The following CELF2 variants were observed in gnomAD, a reference collection of about 807,000 sequenced individuals.
CELF2 encodes CUG triplet repeat RNA-binding protein 2.
A neutral mutation model predicts 62.6 loss-of-function variants in CELF2; 8 were observed. That is an observed-to-expected ratio of 0.13 (90% CI 0.07 to 0.23). The LOEUF (loss-of-function observed/expected upper bound fraction) is 0.23. Among genes scored for constraint, CELF2 ranks in the 10% least tolerant of loss-of-function variants. The pLI is 1.00. For missense variants in CELF2, 333 were observed against 671.0 expected, an observed-to-expected ratio of 0.50 and a Z score of 5.56; for synonymous variants, 258 against 250.0, an observed-to-expected ratio of 1.03 and a Z score of -0.30.
chr10:11,098,826 G>T lies in CELF2; in HGVS notation c.75-66660G>T, dbSNP rs1449804361. Reference sequence around the variant, plus strand: ...GACCGAGGCTTCTTGGCTCTGCACCGGGTGATAATTCTACCTGGGCAGCAG... The same window carrying T: ...GACCGAGGCTTCTTGGCTCTGCACCTGGTGATAATTCTACCTGGGCAGCAG... On this transcript the variant is annotated intron_variant, in intron 1 of 12. Transcript: ENST00000633077. This position sits in a 1 kb window ranked among gnomAD's most constrained non-coding sequence, Gnocchi z 4.0. Among the ~76,000 whole-genome samples the T allele has an allele frequency of 6.6e-6, 1 of 152,134 alleles. No individual in the cohort carries two copies. Among genetic ancestry groups the T allele is most frequent in the African/African-American group, 2.4e-5 (1 of 41,424 alleles).
chr10:11,238,637 T>C (rs771043842), intron 3 of CELF2, among the ~76,000 whole-genome samples: 8 of 152,346 alleles, frequency 5.3e-5, no homozygotes, highest in Non-Finnish European at 7.3e-5. Flanking sequence ...TACCTTCTAC[T>C]GAGATGATAG....
chr10:11,296,234 G>A lies in CELF2; in HGVS notation c.976+7682G>A, dbSNP rs771615105. On this transcript the variant is annotated intron_variant, in intron 9 of 12. Transcript: ENST00000633077. The surrounding 1 kb of genome is among the most constrained non-coding windows in gnomAD (Gnocchi z 5.0). ...GCAGACATTGACTCTAATTCTTCAC[G>A]TATTTGCTTTTTGCTGTTGGTGGCG... Among the ~76,000 whole-genome samples the A allele has an allele frequency of 2.0e-5, 3 of 152,114 alleles. No homozygotes were observed. Among genetic ancestry groups the A allele is most frequent in the Non-Finnish European group, 4.4e-5 (3 of 68,012 alleles).
chr10:10,989,030 C>T lies in CELF2; in HGVS notation c.89+69031C>T, dbSNP rs535425379. ...GTGTACTGAAAAAAATTTTAAGCAA[C>T]AACTTTACCTTAAATCAGTAGTTAA... is the stretch of plus-strand genomic sequence containing the variant. On this transcript the variant is annotated intron_variant, in intron 2 of 13. Transcript: ENST00000636488. Among the ~76,000 whole-genome samples, 103 of 152,230 alleles carry T rather than the reference C, an allele frequency of 6.8e-4. 1 individual carries two copies. Among genetic ancestry groups the T allele is most frequent in the South Asian group, 3.9e-3 (19 of 4,818 alleles).
chr10:10,785,943 T>C, the CELF2 span, among the ~76,000 whole-genome samples: 1 of 152,220 alleles, frequency 6.6e-6, no homozygotes, highest in African/African-American at 2.4e-5. Context: ...TGGGCTTGAT[T>C]TAGCCATTCC....
Position 11,297,814 on chromosome 10 carries a change from A to G in CELF2, c.976+9262A>G, listed in dbSNP as rs1472814441. Among the ~76,000 whole-genome samples the G allele has an allele frequency of 1.3e-5, 2 of 151,964 alleles. No homozygotes were observed. Among genetic ancestry groups the G allele is most frequent in the Non-Finnish European group, 2.9e-5 (2 of 67,954 alleles). On this transcript the variant is annotated intron_variant, in intron 9 of 12. Coordinates refer to ENST00000633077, the MANE Select transcript of CELF2 (RefSeq NM_001326342.2). The surrounding 1 kb of genome is among the most constrained non-coding windows in gnomAD (Gnocchi z 4.4). ...TGGCCAACATGGTGAAACCCTGTCT[A>G]TACTAAAAATACAAAAATTAGCCGG...
the CELF2 span, among the ~76,000 whole-genome samples, chr10:10,650,023 C>T: frequency 6.6e-6 from 1 of 152,136 alleles, no homozygotes; most frequent in Non-Finnish European, 1.5e-5. Flanking sequence ...TGGACTAGGA[C>T]TTTGCTCCAG....
chr10:10,577,264 G>T, the CELF2 span, among the ~76,000 whole-genome samples: 40,402 of 151,826 alleles, frequency 0.27, 5,702 homozygotes, highest in African/African-American at 0.36. Flanking sequence ...AGGAATCAAA[G>T]GTTGATAAAT....
the CELF2 span, among the ~76,000 whole-genome samples, chr10:10,587,405 A>T: frequency 6.6e-6 from 1 of 152,148 alleles, no homozygotes; most frequent in Non-Finnish European, 1.5e-5. Context: ...TCTCGGTAGG[A>T]TCCCTTGAAA....
intron 1 of CELF2, among the ~76,000 whole-genome samples, chr10:11,124,763 T>G (rs1382891118): frequency 6.6e-6 from 1 of 152,240 alleles, no homozygotes; most frequent in African/African-American, 2.4e-5. Context: ...TACGTGAAAT[T>G]TCCAAAGTTG....
chr10:10,828,158 T>TG (rs2057560899), intron 1 of CELF2, among the ~76,000 whole-genome samples: 1 of 152,124 alleles, frequency 6.6e-6, no homozygotes, highest in Non-Finnish European at 1.5e-5. Context: ...TACTTCTGGG[T>TG]ATGTACCCAA....
intron 9 of CELF2, among the ~76,000 whole-genome samples, chr10:11,299,570 C>A (rs1397027381): frequency 1.3e-5 from 2 of 152,198 alleles, no homozygotes; most frequent in Non-Finnish European, 2.9e-5. Context: ...AGGCCCGAGC[C>A]CGGTCCCATC....
intron 1 of CELF2, among the ~76,000 whole-genome samples, chr10:10,842,264 T>C (rs7077348): frequency 2.6e-5 from 4 of 152,066 alleles, no homozygotes; most frequent in African/African-American, 9.7e-5. Flanking sequence ...TTTGTTCCAA[T>C]CTGTATAGCT....
the CELF2 span, among the ~76,000 whole-genome samples, chr10:10,608,064 G>T: frequency 6.6e-6 from 1 of 152,176 alleles, no homozygotes; most frequent in Non-Finnish European, 1.5e-5. Context: ...GGAGGTGGAG[G>T]TTGCAGTGAG....
At position 11,333,100 on chromosome 10, in the gene CELF2, A is replaced by C. The variant is rs1408272464; in HGVS notation, c.*4047A>C. On this transcript the variant is annotated 3_prime_UTR_variant, in exon 13 of 13. Transcript: ENST00000633077. Reference sequence around the variant, plus strand: ...CCCATCTCCCTCTCAACCTCAACCCACCTGCATGCATCTCCCCCAGAGGAA... The same window carrying C: ...CCCATCTCCCTCTCAACCTCAACCCCCCTGCATGCATCTCCCCCAGAGGAA... The C allele has an allele frequency of 6.6e-6, 1 of 151,956 alleles. No individual in the cohort carries two copies. Among genetic ancestry groups the C allele is most frequent in the Non-Finnish European group, 1.5e-5 (1 of 67,970 alleles). 9.4% of individuals were successfully genotyped at this position (151,956 alleles called of 1,614,324 possible).
intron 1 of CELF2, among the ~76,000 whole-genome samples, chr10:10,812,992 A>G (rs1321421018): frequency 6.6e-6 from 1 of 152,172 alleles, no homozygotes; most frequent in African/African-American, 2.4e-5. Context: ...GTAAGATAGA[A>G]CAGAGAAGTA....
At chr10:10,971,322 C>A (rs776441244) in intron 2 of CELF2, among the ~76,000 whole-genome samples, 1 of 152,208 alleles carries the variant, frequency 6.6e-6, no homozygotes, top group Non-Finnish European at 1.5e-5. Flanking sequence ...CTCTCCATAG[C>A]TTCAGTGCCT....
chr10:11,150,710 TTGAAGC>T (rs2063170239), intron 1 of CELF2, among the ~76,000 whole-genome samples: 1 of 152,256 alleles, frequency 6.6e-6, no homozygotes. Context: ...GCATTTGCTT[TTGAAGC>T]TGTGCTATGC....
chr10:10,700,241 A>C, the CELF2 span, among the ~76,000 whole-genome samples: 1 of 152,332 alleles, frequency 6.6e-6, no homozygotes, highest in East Asian at 1.9e-4. Flanking sequence ...AGGAAGGCTG[A>C]TCAGGAACAT....
At chr10:10,866,284 G>A (rs2133245281) in intron 1 of CELF2, among the ~76,000 whole-genome samples, 1 of 152,210 alleles carries the variant, frequency 6.6e-6, no homozygotes, top group East Asian at 1.9e-4. Flanking sequence ...CCCTGGTGTA[G>A]GGAAAGGGGA....
Sources: allele counts gnomAD v4.1 joint callset (sites outside exome capture counted in the v4.1 genomes callset), GRCh38; gene constraint gnomAD v4.1.1; non-coding constraint Gnocchi (gnomAD v3.1); transcripts MANE v1.5; gene names NCBI Gene and HGNC (gene_info 2026-07-23, HGNC 2026-07-21).